HS6ST3: variants seen among roughly 807,000 people sequenced by gnomAD.
The protein encoded by HS6ST3 is heparan sulfate 6-O-sulfotransferase 3.
HS6ST3 carries 12 observed loss-of-function variants against 36.7 expected under a neutral mutation model. That is an observed-to-expected ratio of 0.33 (90% confidence interval 0.21 to 0.53). The LOEUF (loss-of-function observed/expected upper bound fraction) is 0.53. HS6ST3 is among the 20% of genes least tolerant of loss of function. The pLI is 0.95. For missense variants in HS6ST3, 584 were observed against 640.9 expected (o/e 0.91, Z 0.96); for synonymous variants, 240 against 257.5 (o/e 0.93, Z 0.65).
At chr13:96,750,222 A>G (rs923240059) in intron 1 of HS6ST3, among the ~76,000 whole-genome samples, 1 of 152,238 alleles carries the variant, frequency 6.6e-6, no homozygotes, top group East Asian at 1.9e-4. Context: ...AAAAACTCAT[A>G]AAGTGTTAGT....
At chr13:96,346,440 G>A (rs945621579) in intron 1 of HS6ST3, among the ~76,000 whole-genome samples, 8 of 152,074 alleles carry the variant, frequency 5.3e-5, no homozygotes, top group African/African-American at 1.4e-4. Context: ...CGGGCGTGGT[G>A]GCAGGTGCCT....
At chr13:96,645,090 ATAGGGTTAC>A (rs2056584290) in intron 1 of HS6ST3, among the ~76,000 whole-genome samples, 1 of 151,888 alleles carries the variant, frequency 6.6e-6, no homozygotes, top group South Asian at 2.1e-4. Context: ...GTATTGCCTA[ATAGGGTTAC>A]TGGCATCAGA....
intron 1 of HS6ST3, among the ~76,000 whole-genome samples, chr13:96,128,604 T>C (rs560545965): frequency 3.3e-5 from 5 of 152,286 alleles, no homozygotes; most frequent in African/African-American, 1.2e-4. Context: ...TACTGGAGAT[T>C]TGGGGCTCAT....
At chr13:96,220,674 A>G (rs930509812) in intron 1 of HS6ST3, among the ~76,000 whole-genome samples, 2 of 152,202 alleles carry the variant, frequency 1.3e-5, no homozygotes, top group African/African-American at 4.8e-5. Context: ...GTGACATTTT[A>G]TCTGGCCCAG....
intron 1 of HS6ST3, among the ~76,000 whole-genome samples, chr13:96,595,459 T>C (rs984323328): frequency 6.6e-6 from 1 of 152,116 alleles, no homozygotes; most frequent in African/African-American, 2.4e-5. Flanking sequence ...CAGGATTTTT[T>C]TTCTCTCTCT....
At chr13:96,356,226 G>C (rs920923193) in intron 1 of HS6ST3, among the ~76,000 whole-genome samples, 2 of 152,050 alleles carry the variant, frequency 1.3e-5, no homozygotes, top group African/African-American at 2.4e-5. Context: ...ATGAGTATTA[G>C]AGCTTCTTCC....
chr13:96,340,733 T>C (rs1463406635), intron 1 of HS6ST3, among the ~76,000 whole-genome samples: 1 of 152,266 alleles, frequency 6.6e-6, no homozygotes, highest in Admixed American at 6.5e-5. Flanking sequence ...ATGCGATTTA[T>C]AGCGTTCCCA....
intron 1 of HS6ST3, among the ~76,000 whole-genome samples, chr13:96,568,021 C>G (rs1404047989): frequency 6.6e-6 from 1 of 152,126 alleles, no homozygotes; most frequent in African/African-American, 2.4e-5. Context: ...TATACAGCTG[C>G]TGGGAATTTG....
chr13:96,285,777 C>T (rs1435502713), intron 1 of HS6ST3, among the ~76,000 whole-genome samples: 2 of 152,098 alleles, frequency 1.3e-5, no homozygotes, highest in African/African-American at 4.8e-5. Context: ...ACTGGCAAGT[C>T]TTATGGTTCT....
In HS6ST3 at chr13:96,751,666, C is replaced by T. The variant is rs75578882; in HGVS notation, c.708-80824C>T. ...TCCTAATGTGTTCCAAGAAGGCAGGCATGTAACTAATTATAGTTAATGCAA... is the reference window on the plus strand; with the variant it reads ...TCCTAATGTGTTCCAAGAAGGCAGGTATGTAACTAATTATAGTTAATGCAA... On this transcript the variant is annotated intron_variant, in intron 1 of 1. Coordinates refer to ENST00000376705, the MANE Select transcript of HS6ST3 (RefSeq NM_153456.4). 2.5e-3 allele frequency among the ~76,000 whole-genome samples: 373 copies of T among 151,924 alleles called. 3 individuals carry two copies. Among genetic ancestry groups the T allele is most frequent in the African/African-American group, 8.9e-3 (368 of 41,420 alleles).
chr13:96,246,032 G>C (rs1258261036), intron 1 of HS6ST3, among the ~76,000 whole-genome samples: 2 of 152,114 alleles, frequency 1.3e-5, no homozygotes, highest in Admixed American at 6.6e-5. Flanking sequence ...TAGTCAGTCT[G>C]AGTAACAGAA....
intron 1 of HS6ST3, among the ~76,000 whole-genome samples, chr13:96,531,315 T>G (rs1295146429): frequency 6.6e-6 from 1 of 152,232 alleles, no homozygotes; most frequent in Non-Finnish European, 1.5e-5. Flanking sequence ...TTAAATGGAT[T>G]AAATATGAAG....
chr13:96,176,014 A>G (rs1216234870), intron 1 of HS6ST3, among the ~76,000 whole-genome samples: 1 of 151,956 alleles, frequency 6.6e-6, no homozygotes, highest in Non-Finnish European at 1.5e-5. Flanking sequence ...TTTTTAGTAG[A>G]GACGGGGTTT....
At chr13:96,322,994 C>T (rs1361840608) in intron 1 of HS6ST3, among the ~76,000 whole-genome samples, 2 of 152,126 alleles carry the variant, frequency 1.3e-5, no homozygotes, top group African/African-American at 2.4e-5. Context: ...CAGTCTTCCT[C>T]GCTAGTTCCC....
chr13:96,472,518 C>T (rs1385722333), intron 1 of HS6ST3, among the ~76,000 whole-genome samples: 1 of 152,204 alleles, frequency 6.6e-6, no homozygotes, highest in Non-Finnish European at 1.5e-5. Flanking sequence ...CTCCATGATT[C>T]CATGAAACAC....
At chr13:96,300,439 C>T (rs959847780) in intron 1 of HS6ST3, among the ~76,000 whole-genome samples, 2 of 152,070 alleles carry the variant, frequency 1.3e-5, no homozygotes, top group Admixed American at 6.6e-5. Context: ...TGGCTATGAT[C>T]CAGTCGCCTC....
At chr13:96,219,157 T>G (rs1297880533) in intron 1 of HS6ST3, among the ~76,000 whole-genome samples, 3 of 152,192 alleles carry the variant, frequency 2.0e-5, no homozygotes, top group African/African-American at 4.8e-5. Context: ...CTTGCCTGGC[T>G]CACAGATGAT....
chr13:96,616,141 A>G (rs1258927586), intron 1 of HS6ST3, among the ~76,000 whole-genome samples: 2 of 152,330 alleles, frequency 1.3e-5, no homozygotes, highest in Middle Eastern at 3.4e-3. Context: ...GAATGGTATC[A>G]TATGTTAATA....
intron 1 of HS6ST3, among the ~76,000 whole-genome samples, chr13:96,561,237 C>T (rs1316927511): frequency 6.6e-6 from 1 of 152,016 alleles, no homozygotes; most frequent in Non-Finnish European, 1.5e-5. Context: ...GCTACACACC[C>T]ACAGCCATCT....
Sources: allele counts gnomAD v4.1 joint callset (sites outside exome capture counted in the v4.1 genomes callset), GRCh38; gene constraint gnomAD v4.1.1; transcripts MANE v1.5; gene names NCBI Gene and HGNC (gene_info 2026-07-23, HGNC 2026-07-21).